The following NFIA variants were observed in gnomAD, a reference collection of about 807,000 sequenced individuals.
NFIA encodes nuclear factor I A.
A neutral mutation model predicts 62.8 loss-of-function variants in NFIA; 8 were observed. The observed-to-expected ratio is 0.13, with a 90% CI of 0.07 to 0.23. The LOEUF (loss-of-function observed/expected upper bound fraction) is 0.23, where lower values mean the gene tolerates loss of function less well. Among genes scored for constraint, NFIA ranks in the 10% least tolerant of loss-of-function variants. The pLI is 1.00. For missense variants in NFIA, 410 were observed against 642.1 expected (o/e 0.64, Z 3.91); for synonymous variants, 235 against 238.1 (o/e 0.99, Z 0.12).
At chr1:61,279,929 A>G (rs1269845369) in intron 3 of NFIA, among the ~76,000 whole-genome samples, 2 of 152,248 alleles carry the variant, frequency 1.3e-5, no homozygotes, top group Non-Finnish European at 2.9e-5. Flanking sequence ...TCAAGGATTT[A>G]CACTATCATT....
At chr1:61,084,850 GT>G (rs915183799) in intron 1 of NFIA, among the ~76,000 whole-genome samples, 93 of 146,542 alleles carry the variant, frequency 6.3e-4, no homozygotes, top group South Asian at 4.4e-3. Flanking sequence ...CATTAAGAGA[GT>G]TTTTTTTTTT....
intron 6 of NFIA, among the ~76,000 whole-genome samples, chr1:61,378,667 G>T (rs1299769548): frequency 6.6e-6 from 1 of 152,190 alleles, no homozygotes; most frequent in East Asian, 1.9e-4. Flanking sequence ...GGCTGAACTA[G>T]ATCTTCTGCT....
At chr1:61,284,860 G>A (rs991326010) in intron 3 of NFIA, among the ~76,000 whole-genome samples, 1 of 152,088 alleles carries the variant, frequency 6.6e-6, no homozygotes, top group African/African-American at 2.4e-5. Flanking sequence ...TTTCTTGCTG[G>A]TCCTCAAATT....
rs41289416 is a variant in NFIA at position 61,088,750 on chromosome 1, G to A, written c.559+70G>A. On this transcript the variant is annotated intron_variant, in intron 2 of 10. Coordinates refer to ENST00000403491, the MANE Select transcript of NFIA (RefSeq NM_001134673.4). The surrounding 1 kb of genome is among the most constrained non-coding windows in gnomAD (Gnocchi z 4.5). ...TCTTTCCTGATGGCCTCCGCGTTATGCCGGATTCTTCCTGAGCTCCCCAAG... is the reference window on the plus strand; with the variant it reads ...TCTTTCCTGATGGCCTCCGCGTTATACCGGATTCTTCCTGAGCTCCCCAAG... 36 of 1,514,532 alleles carry A rather than the reference G, an allele frequency of 2.4e-5. No individual in the cohort carries two copies. Among genetic ancestry groups the A allele is most frequent in the Middle Eastern group, 2.4e-4 (1 of 4,100 alleles). The allele number at this position is 1,514,532 out of a possible 1,614,324, so 93.8% of individuals were successfully genotyped here. A position where few individuals can be genotyped will look rare whatever the true frequency, so the allele number is the denominator to read the frequency against.
At chr1:61,273,336 T>C (rs989738087) in intron 2 of NFIA, among the ~76,000 whole-genome samples, 1 of 152,218 alleles carries the variant, frequency 6.6e-6, no homozygotes, top group Non-Finnish European at 1.5e-5. Context: ...TCTGTGCTGC[T>C]TGGGCCAGTG....
chr1:61,439,891 T>C (rs1427932728), intron 10 of NFIA, among the ~76,000 whole-genome samples: 1 of 152,168 alleles, frequency 6.6e-6, no homozygotes, highest in East Asian at 1.9e-4. Flanking sequence ...TGTGAGGAAT[T>C]TTTGGTTAAG....
At chr1:61,171,013 A>ATGTG (rs374660654) in intron 2 of NFIA, among the ~76,000 whole-genome samples, 15 of 151,160 alleles carry the variant, frequency 9.9e-5, no homozygotes, top group South Asian at 2.1e-4. Context: ...GCTCTGTGGC[A>ATGTG]TGTGTGTGTG....
chr1:61,138,626 G>A (rs940221480), intron 2 of NFIA, among the ~76,000 whole-genome samples: 5 of 151,586 alleles, frequency 3.3e-5, no homozygotes, highest in African/African-American at 1.2e-4. Context: ...TGTTTCCCAG[G>A]CTGGAGTGCG....
At chr1:61,220,100 G>C (rs1262893107) in intron 2 of NFIA, among the ~76,000 whole-genome samples, 1 of 152,198 alleles carries the variant, frequency 6.6e-6, no homozygotes, top group Non-Finnish European at 1.5e-5. Context: ...CTGTCTTTCT[G>C]TTGATGAGAA....
At chr1:61,082,962 G>A in intron 1 of NFIA, 144 bp downstream of exon 1, 1 of 609,066 alleles carries the variant, frequency 1.6e-6, no homozygotes, top group Non-Finnish European at 2.4e-6. Flanking sequence ...GCGTGTTTCT[G>A]TGTGTGTGCG....
chr1:61,444,890 TATTAATTGATAATAAAGTGAC>T, intron 10 of NFIA, among the ~76,000 whole-genome samples: 1 of 152,250 alleles, frequency 6.6e-6, no homozygotes, highest in East Asian at 1.9e-4. Flanking sequence ...TAATTGATTT[TATTAATTGATAATAAAGTGAC>T]AGTAGAGGTG....
intron 2 of NFIA, among the ~76,000 whole-genome samples, chr1:61,112,233 A>G (rs1646706145): frequency 6.6e-6 from 1 of 151,988 alleles, no homozygotes; most frequent in African/African-American, 2.4e-5. Flanking sequence ...TTTTCTTAAT[A>G]ATATATTTCT....
At chr1:61,405,884 G>T (rs1389155235) in intron 8 of NFIA, among the ~76,000 whole-genome samples, 1 of 152,114 alleles carries the variant, frequency 6.6e-6, no homozygotes, top group African/African-American at 2.4e-5. Flanking sequence ...TATGGCATAT[G>T]CTTATATAAT....
intron 5 of NFIA, among the ~76,000 whole-genome samples, chr1:61,357,909 C>G (rs1663049317): frequency 6.6e-6 from 1 of 152,144 alleles, no homozygotes; most frequent in Admixed American, 6.5e-5. Flanking sequence ...CTGCAAACTT[C>G]CTGATTCTGT....
At chr1:61,219,251 C>T (rs1295303695) in intron 2 of NFIA, among the ~76,000 whole-genome samples, 2 of 151,670 alleles carry the variant, frequency 1.3e-5, no homozygotes, top group Non-Finnish European at 2.9e-5. Flanking sequence ...AAAACCTCTA[C>T]CCTTTATTAT....
At chr1:61,357,154 A>C (rs1662997655) in intron 5 of NFIA, among the ~76,000 whole-genome samples, 1 of 152,228 alleles carries the variant, frequency 6.6e-6, no homozygotes. Flanking sequence ...AACAGCTGGC[A>C]GTTCTCTGAA....
chr1:61,272,307 G>A (rs561755204), intron 2 of NFIA, among the ~76,000 whole-genome samples: 3 of 151,840 alleles, frequency 2.0e-5, no homozygotes, highest in African/African-American at 4.8e-5. Flanking sequence ...TTCTTCACAC[G>A]TCAGTCTTTA....
chr1:61,189,172 C>T (rs542106818), intron 2 of NFIA, among the ~76,000 whole-genome samples: 3 of 152,190 alleles, frequency 2.0e-5, no homozygotes, highest in African/African-American at 7.2e-5. Context: ...CTTGGCAGGT[C>T]GTGGGCTGGC....
Position 61,414,546 on chromosome 1 carries a change from T to G in NFIA, c.1420+7819T>G, listed in dbSNP as rs370129136. ...GTTTTTTGGTTTTTTGTTTTGTTTT[T>G]TTTTTTCAGTGAAAACCCAATGGGA... On this transcript the variant is annotated intron_variant, in intron 9 of 10. Coordinates refer to ENST00000403491, the MANE Select transcript of NFIA (RefSeq NM_001134673.4). 4.6e-3 allele frequency among the ~76,000 whole-genome samples: 658 copies of G among 142,476 alleles called. 7 individuals carry two copies. Among genetic ancestry groups the G allele is most frequent in the African/African-American group, 0.015 (628 of 40,642 alleles). The allele number at this position is 142,476 out of a possible 152,430, so 93.5% of individuals were successfully genotyped here.
Sources: allele counts gnomAD v4.1 joint callset (sites outside exome capture counted in the v4.1 genomes callset), GRCh38; gene constraint gnomAD v4.1.1; non-coding constraint Gnocchi (gnomAD v3.1); transcripts MANE v1.5; gene names NCBI Gene and HGNC (gene_info 2026-07-23, HGNC 2026-07-21).